Variants in CNTN4 observed in about 807,000 individuals in gnomAD.
The protein encoded by CNTN4 is contactin-4.
In CNTN4, 77 loss-of-function variants were observed where a neutral mutation model predicts 122.5. The ratio of observed to expected loss-of-function variants is 0.63; its 90% CI spans 0.52 to 0.76. The LOEUF is 0.76. CNTN4 is among the 30% of genes least tolerant of loss of function. CNTN4 has a pLI of 0.00. For missense variants in CNTN4, 1,256 were observed against 1,259.1 expected (o/e 1.00, Z 0.04); for synonymous variants, 512 against 447.0 (o/e 1.15, Z -1.83).
intron 4 of CNTN4, among the ~76,000 whole-genome samples, chr3:2,619,688 A>G (rs62232705): frequency 0.47 from 71,366 of 152,034 alleles, 17,373 homozygotes; most frequent in Middle Eastern, 0.57. Flanking sequence ...TTAAATCCTT[A>G]AGGAGAGGTC....
At chr3:3,020,627 G>T (rs567286610) in intron 14 of CNTN4, among the ~76,000 whole-genome samples, 1 of 152,280 alleles carries the variant, frequency 6.6e-6, no homozygotes, top group Non-Finnish European at 1.5e-5. Flanking sequence ...ATGTTCTTCT[G>T]TGGCAGCCTA....
intron 2 of CNTN4, among the ~76,000 whole-genome samples, chr3:2,135,138 G>GA (rs2034627871): frequency 6.6e-6 from 1 of 152,156 alleles, no homozygotes; most frequent in African/African-American, 2.4e-5. Flanking sequence ...GGCCAGCATT[G>GA]AAAAGGATGT....
At chr3:2,810,160 T>A (rs1004007768) in intron 6 of CNTN4, among the ~76,000 whole-genome samples, 2 of 152,208 alleles carry the variant, frequency 1.3e-5, no homozygotes, top group African/African-American at 4.8e-5. Flanking sequence ...GATTCTAATC[T>A]AAGCTCTTGG....
At chr3:3,046,234 C>G (rs1056462541) in intron 23 of CNTN4, among the ~76,000 whole-genome samples, 2 of 152,146 alleles carry the variant, frequency 1.3e-5, no homozygotes, top group South Asian at 2.1e-4. Context: ...ACTTCCCCAG[C>G]CTAGCAAGGC....
At chr3:2,227,384 G>T (rs1180958189) in intron 2 of CNTN4, among the ~76,000 whole-genome samples, 2 of 152,116 alleles carry the variant, frequency 1.3e-5, no homozygotes, top group East Asian at 3.8e-4. Context: ...ATCCTTAGGT[G>T]CTTTTGTCAG....
chr3:3,033,999 G>C (rs576895403), intron 16 of CNTN4, among the ~76,000 whole-genome samples: 1 of 152,284 alleles, frequency 6.6e-6, no homozygotes, highest in East Asian at 1.9e-4. Flanking sequence ...AGAAGGGAGC[G>C]CCTTGACTCT....
In CNTN4 at chr3:2,187,680, G is replaced by A. The variant is rs116680970; in HGVS notation, c.-145+87041G>A. Among the ~76,000 whole-genome samples, 1,075 of 152,210 alleles carry A rather than the reference G, an allele frequency of 7.1e-3. 14 individuals are homozygous for A. The highest frequency in any genetic ancestry group is 0.024 in the African/African-American group (1,010 of 41,514). On this transcript the variant is annotated intron_variant, in intron 2 of 24. Coordinates refer to ENST00000418658, the MANE Select transcript of CNTN4 (RefSeq NM_175607.3). ...GACTACATGCAGAGATGTATTTACC[G>A]TCTGCCCTAACCTGATGAGTCTATG...
chr3:2,448,299 C>T (rs1332420213), intron 3 of CNTN4, among the ~76,000 whole-genome samples: 1 of 152,120 alleles, frequency 6.6e-6, no homozygotes, highest in East Asian at 1.9e-4. Context: ...ATCTGTGATT[C>T]TGGAACTAGA....
intron 2 of CNTN4, among the ~76,000 whole-genome samples, chr3:2,163,224 A>G (rs1373900442): frequency 6.6e-6 from 1 of 152,232 alleles, no homozygotes; most frequent in East Asian, 1.9e-4. Flanking sequence ...CTGATCTTCA[A>G]CAAAGCATAC....
intron 12 of CNTN4, among the ~76,000 whole-genome samples, chr3:2,923,721 C>T (rs933699774): frequency 6.6e-6 from 1 of 152,224 alleles, no homozygotes; most frequent in Non-Finnish European, 1.5e-5. Flanking sequence ...TGTGCACACA[C>T]ACATACACTG....
intron 3 of CNTN4, among the ~76,000 whole-genome samples, chr3:2,469,266 C>G (rs931716097): frequency 6.6e-6 from 1 of 152,100 alleles, no homozygotes; most frequent in African/African-American, 2.4e-5. Flanking sequence ...TTAAGTATGG[C>G]AATTATTTCT....
chr3:2,481,751 G>C (rs921969344), intron 3 of CNTN4, among the ~76,000 whole-genome samples: 39 of 152,038 alleles, frequency 2.6e-4, no homozygotes, highest in African/African-American at 9.2e-4. Context: ...CTCCTATGCT[G>C]TTCTCATGTT....
At chr3:2,588,545 T>C (rs1212624072) in intron 4 of CNTN4, among the ~76,000 whole-genome samples, 1 of 152,046 alleles carries the variant, frequency 6.6e-6, no homozygotes, top group Non-Finnish European at 1.5e-5. Flanking sequence ...TTTTGTACTT[T>C]TAGTAGAGAC....
rs2094324020 is a variant in CNTN4 at position 2,913,584 on chromosome 3, G to T, written c.1207+10579G>T. 2.0e-5 allele frequency among the ~76,000 whole-genome samples: 3 copies of T among 152,300 alleles called. No homozygotes were observed. In the South Asian group the frequency reaches 6.2e-4, roughly 32 times the overall value. ...GAGACAAAGAAAAACATTATATAAT[G>T]ATAAAAGGACTGATTCATCACAAAG... On this transcript the variant is annotated intron_variant, in intron 12 of 24. Transcript: ENST00000418658.
intron 4 of CNTN4, among the ~76,000 whole-genome samples, chr3:2,620,218 G>T (rs1051133531): frequency 2.0e-5 from 3 of 152,184 alleles, no homozygotes; most frequent in African/African-American, 7.2e-5. Context: ...TAGGCATTCA[G>T]GCTGGAGGCA....
intron 6 of CNTN4, among the ~76,000 whole-genome samples, chr3:2,774,482 T>G (rs1405365362): frequency 6.6e-6 from 1 of 152,140 alleles, no homozygotes; most frequent in Non-Finnish European, 1.5e-5. Context: ...TGCATCAAAA[T>G]GAAGGAGGGA....
intron 6 of CNTN4, among the ~76,000 whole-genome samples, chr3:2,763,397 C>G (rs758354541): frequency 4.6e-5 from 7 of 152,120 alleles, no homozygotes; most frequent in Non-Finnish European, 8.8e-5. Context: ...TAATCAGATA[C>G]ATAGTTTGCG....
At chr3:2,226,897 T>G (rs1575122480) in intron 2 of CNTN4, among the ~76,000 whole-genome samples, 1 of 152,182 alleles carries the variant, frequency 6.6e-6, no homozygotes, top group Non-Finnish European at 1.5e-5. Context: ...ACTTTAATTT[T>G]TGTAACTCTT....
chr3:2,371,743 C>T (rs1350141447), intron 3 of CNTN4, among the ~76,000 whole-genome samples: 1 of 152,126 alleles, frequency 6.6e-6, no homozygotes, highest in African/African-American at 2.4e-5. Flanking sequence ...GAAAAAGGTT[C>T]TGGAATAATT....
Sources: gnomAD v4.1 joint callset for allele counts (sites outside exome capture counted in the v4.1 genomes callset) on GRCh38, gnomAD v4.1.1 for gene constraint, MANE v1.5 for transcripts, NCBI Gene and HGNC (gene_info 2026-07-23, HGNC 2026-07-21) for gene names.